The following PDE1A variants were observed in gnomAD, a reference collection of about 807,000 sequenced individuals.
The protein encoded by PDE1A is dual specificity calcium/calmodulin-dependent 3',5'-cyclic nucleotide phosphodiesterase 1A.
In PDE1A, 35 loss-of-function variants were observed where a neutral mutation model predicts 61.7. The ratio of observed to expected loss-of-function variants is 0.57; its 90% confidence interval spans 0.43 to 0.75. The LOEUF is 0.75. Ranked by LOEUF, PDE1A falls within the 30% of genes least tolerant of loss-of-function variation. PDE1A has a pLI of 0.00. For synonymous variants in PDE1A, 232 were observed against 213.2 expected, an observed-to-expected ratio of 1.09 and a Z score of -0.77; for missense variants, 597 against 630.6, an observed-to-expected ratio of 0.95 and a Z score of 0.57.
exon 8 of PDE1A, chr2:182,206,036 C>G (rs552582520): frequency 6.2e-7 from 1 of 1,609,914 alleles, no homozygotes. Flanking sequence ...AAGGACAGAG[C>G]GATCATTATA....
chr2:182,570,783 A>T, the PDE1A span, among the ~76,000 whole-genome samples: 2 of 152,172 alleles, frequency 1.3e-5, no homozygotes, highest in Admixed American at 1.3e-4. Context: ...GTTGGGCCAG[A>T]TAGTGGAGAG....
chr2:182,585,542 T>C, the PDE1A span, among the ~76,000 whole-genome samples: 2 of 152,178 alleles, frequency 1.3e-5, no homozygotes, highest in African/African-American at 2.4e-5. Context: ...TGATAGTCTA[T>C]AACCACCTTT....
chr2:182,342,421 C>A (rs1036673797), intron 1 of PDE1A, among the ~76,000 whole-genome samples: 1 of 152,212 alleles, frequency 6.6e-6, no homozygotes, highest in African/African-American at 2.4e-5. Flanking sequence ...CGGTGGCTCA[C>A]GCCTGTAATC....
rs971127468 is a variant in PDE1A at position 182,364,935 on chromosome 2, C to T, written c.53+61643G>A. Among the ~76,000 whole-genome samples the T allele has an allele frequency of 3.3e-5, 5 of 152,094 alleles. 1 individual carries two copies. In the South Asian group the frequency reaches 6.2e-4, roughly 19 times the overall value. On this transcript the variant is annotated intron_variant, in intron 1 of 13. Coordinates refer to ENST00000351439, the Ensembl canonical transcript of PDE1A. ...CACTTTCATATAATTCAAATTAATA[C>T]ATCTGCTGCTCTAACCCTTATCTGG...
At chr2:182,419,166 A>C (rs1703111402) in intron 1 of PDE1A, among the ~76,000 whole-genome samples, 1 of 152,176 alleles carries the variant, frequency 6.6e-6, no homozygotes, top group South Asian at 2.1e-4. Flanking sequence ...GCCTATAGGC[A>C]ATGAATTTCC....
chr2:182,617,839 C>A, the PDE1A span, among the ~76,000 whole-genome samples: 1 of 152,176 alleles, frequency 6.6e-6, no homozygotes, highest in Non-Finnish European at 1.5e-5. Context: ...CCCCCAGAAA[C>A]CTCCACACCC....
At chr2:182,243,104 G>A (rs2125700532) in intron 2 of PDE1A, among the ~76,000 whole-genome samples, 1 of 152,054 alleles carries the variant, frequency 6.6e-6, no homozygotes, top group Non-Finnish European at 1.5e-5. Context: ...TATTTCTCAT[G>A]TAAAAATCCT....
intron 2 of PDE1A, chr2:182,242,110 CTAGTTT>C: frequency 8.0e-7 from 1 of 1,251,246 alleles, no homozygotes; most frequent in Non-Finnish European, 1.0e-6. Context: ...CCACTGCAGC[CTAGTTT>C]TGTCAGCTAA....
At chr2:182,209,515 A>T (rs1447261225) in intron 7 of PDE1A, among the ~76,000 whole-genome samples, 1 of 151,200 alleles carries the variant, frequency 6.6e-6, no homozygotes, top group Non-Finnish European at 1.5e-5. Context: ...AGAGCCAAGC[A>T]TATTATTTGA....
At chr2:182,685,126 C>G in the PDE1A span, among the ~76,000 whole-genome samples, 82,164 of 147,862 alleles carry the variant, frequency 0.56, 23,620 homozygotes, top group Middle Eastern at 0.71. Context: ...CACACACACA[C>G]AGAGAGAGAG....
rs1481543612 is a variant in PDE1A, at chr2:182,337,730, G to C, written c.54-73316C>G. 3.3e-5 allele frequency among the ~76,000 whole-genome samples: 5 copies of C among 152,270 alleles called. No individual in the cohort carries two copies. The East Asian group carries it at 7.7e-4, about 23-fold the overall frequency. On this transcript the variant is annotated intron_variant, in intron 1 of 13. Coordinates refer to ENST00000351439, the Ensembl canonical transcript of PDE1A. ...CGCCTATTCTAAGTATCACAGGATAGAGTTATGTCAAATTGGACTTAATGA... is the reference window on the plus strand; with the variant it reads ...CGCCTATTCTAAGTATCACAGGATACAGTTATGTCAAATTGGACTTAATGA...
At chr2:182,370,281 AC>A (rs1700059797) in intron 1 of PDE1A, among the ~76,000 whole-genome samples, 1 of 152,226 alleles carries the variant, frequency 6.6e-6, no homozygotes, top group African/African-American at 2.4e-5. Context: ...AATTAGTTAA[AC>A]TTTGACATGG....
At chr2:182,650,026 C>T in the PDE1A span, among the ~76,000 whole-genome samples, 2 of 152,034 alleles carry the variant, frequency 1.3e-5, no homozygotes, top group Non-Finnish European at 2.9e-5. Context: ...CTGCAGTGAG[C>T]TGTGATCATA....
intron 1 of PDE1A, among the ~76,000 whole-genome samples, chr2:182,381,854 A>G (rs1700757324): frequency 6.6e-6 from 1 of 151,794 alleles, no homozygotes; most frequent in Non-Finnish European, 1.5e-5. Flanking sequence ...AACTGAGTTT[A>G]ATTTTGTTCC....
At chr2:182,610,099 AAAAG>A in the PDE1A span, among the ~76,000 whole-genome samples, 3 of 151,742 alleles carry the variant, frequency 2.0e-5, no homozygotes, top group Non-Finnish European at 4.4e-5. Context: ...AAAAAAAAAA[AAAAG>A]AAAGAAATGC....
At chr2:182,295,575 G>A (rs1022859187) in intron 1 of PDE1A, among the ~76,000 whole-genome samples, 2 of 152,006 alleles carry the variant, frequency 1.3e-5, no homozygotes, top group South Asian at 2.1e-4. Context: ...TGGTATCTAC[G>A]GATTAATAGT....
intron 1 of PDE1A, among the ~76,000 whole-genome samples, chr2:182,400,260 G>A (rs149911230): frequency 0.013 from 1,936 of 152,224 alleles, 24 homozygotes; most frequent in South Asian, 0.047. Flanking sequence ...TGAGCAAACT[G>A]AATTAAAATT....
chr2:182,516,998 T>C (rs1213620308), intron 2 of PDE1A, among the ~76,000 whole-genome samples: 2 of 152,114 alleles, frequency 1.3e-5, no homozygotes, highest in Non-Finnish European at 2.9e-5. Context: ...AAGTAACATA[T>C]CCTTTGGTTC....
chr2:182,266,892 C>T (rs535275553), intron 1 of PDE1A, among the ~76,000 whole-genome samples: 1 of 152,240 alleles, frequency 6.6e-6, no homozygotes, highest in East Asian at 1.9e-4. Context: ...ATGGGTCCAC[C>T]TGAATGAAAT....
Sources: allele counts gnomAD v4.1 joint callset (sites outside exome capture counted in the v4.1 genomes callset), GRCh38; gene constraint gnomAD v4.1.1; transcripts MANE v1.5; gene names NCBI Gene and HGNC (gene_info 2026-07-23, HGNC 2026-07-21).